Variants in IL20RB observed in about 807,000 individuals in gnomAD.
The protein encoded by IL20RB is interleukin-20 receptor subunit beta.
IL20RB carries 21 observed loss-of-function variants against 33.3 expected under a neutral mutation model. That is an observed-to-expected ratio of 0.63 (90% CI 0.45 to 0.91). IL20RB has a LOEUF of 0.91. Among genes scored for constraint, IL20RB ranks in the 40% least tolerant of loss-of-function variants. IL20RB has a pLI of 0.00. For missense variants in IL20RB, 345 were observed against 384.8 expected (o/e 0.90, Z 0.86); for synonymous variants, 147 against 146.8 (o/e 1.00, Z -0.01).
chr3:136,995,304 C>A, intron 5 of IL20RB, 110 bp from the exon 6 acceptor site: 1 of 1,242,662 alleles, frequency 8.0e-7, no homozygotes, highest in Non-Finnish European at 1.1e-6. Context: ...CTGTTATCTG[C>A]CGTCTTAGCC....
At chr3:136,984,395 T>C (rs183175467) in intron 3 of IL20RB, among the ~76,000 whole-genome samples, 29 of 151,542 alleles carry the variant, frequency 1.9e-4, no homozygotes, top group African/African-American at 5.3e-4. Context: ...GAGTGGAGGA[T>C]TGCATGGAGG....
At chr3:136,976,563 C>T (rs1215930616) in intron 1 of IL20RB, among the ~76,000 whole-genome samples, 1 of 152,188 alleles carries the variant, frequency 6.6e-6, no homozygotes, top group African/African-American at 2.4e-5. Flanking sequence ...CAACTTGTGC[C>T]TGTTTTCCTC....
intron 6 of IL20RB, among the ~76,000 whole-genome samples, chr3:137,003,591 G>T (rs1395921280): frequency 6.6e-6 from 1 of 152,176 alleles, no homozygotes; most frequent in Non-Finnish European, 1.5e-5. Flanking sequence ...GTATAGGAAT[G>T]CTTGTGAGTT....
intron 1 of IL20RB, among the ~76,000 whole-genome samples, chr3:136,972,728 C>G (rs758010244): frequency 1.6e-4 from 24 of 150,986 alleles, no homozygotes; most frequent in Non-Finnish European, 3.0e-4. Flanking sequence ...CTTTGTTAAT[C>G]TTTTTGAAGA....
chr3:136,978,965 G>A (rs1294009715), intron 1 of IL20RB, among the ~76,000 whole-genome samples: 2 of 152,062 alleles, frequency 1.3e-5, no homozygotes, highest in African/African-American at 4.8e-5. Flanking sequence ...AAATTGATTT[G>A]TTGACATAAT....
chr3:136,990,102 G>A (rs556457330), intron 4 of IL20RB, among the ~76,000 whole-genome samples: 1 of 152,108 alleles, frequency 6.6e-6, no homozygotes, highest in South Asian at 2.1e-4. Context: ...CTCCCCATGG[G>A]AAGGGTGCTA....
chr3:137,006,961 T>C (rs1942361905), intron 6 of IL20RB, among the ~76,000 whole-genome samples: 1 of 152,210 alleles, frequency 6.6e-6, no homozygotes, highest in Non-Finnish European at 1.5e-5. Flanking sequence ...TTGGTGTAGA[T>C]GACCTTTTTG....
chr3:136,989,533 G>T lies in IL20RB; in HGVS notation c.499G>T (p.Val167Leu), dbSNP rs1941989572. ...EDLGPQFEFL[V>L]AYWRREPGAE... is the part of the protein sequence containing the mutation. ...CCTGGGGCCCCAGTTTGAGTTCCTTGTGGCCTACTGGAGGAGGGAGCCTGG... is the reference window on the plus strand; with the variant it reads ...CCTGGGGCCCCAGTTTGAGTTCCTTTTGGCCTACTGGAGGAGGGAGCCTGG... The change falls in exon 4 of 7, where the codon GTG (valine) becomes TTG (leucine). Residue 167 changes from valine to leucine, a missense_variant. Val to Leu is a conservative substitution (Grantham distance 32, BLOSUM62 1). Coordinates refer to ENST00000329582, the MANE Select transcript of IL20RB (RefSeq NM_144717.4). 1 of 1,613,930 alleles carries T rather than the reference G, an allele frequency of 6.2e-7. No individual in the cohort carries two copies. Among genetic ancestry groups the T allele is most frequent in the African/African-American group, 1.3e-5 (1 of 74,908 alleles).
At position 136,995,416 on chromosome 3, in the gene IL20RB, G is replaced by C. The variant is rs750237297; in HGVS notation, c.685G>C (p.Glu229Gln). 6.2e-7 allele frequency: 1 copy of C among 1,613,968 alleles called. No homozygotes were observed. The change falls in exon 6 of 7, where the codon GAG becomes CAG. Residue 229 changes from glutamate to glutamine, a missense_variant and splice_region_variant. Transcript: ENST00000329582. ...CTGTTTTTATCTTTTGTTTCCAGGA[G>C]AGGCCATTCCCCTGGTACTGGCCCT... ...SQTECVEVQGEAIPLVLALFA... is the reference protein window; with the variant it reads ...SQTECVEVQGQAIPLVLALFA...
intron 1 of IL20RB, among the ~76,000 whole-genome samples, chr3:136,958,872 A>C (rs1405581127): frequency 3.3e-5 from 5 of 152,064 alleles, no homozygotes; most frequent in African/African-American, 1.2e-4. Context: ...ACTCCAAGAC[A>C]CTAGGCACTT....
chr3:136,961,909 G>A (rs535623885), intron 1 of IL20RB, among the ~76,000 whole-genome samples: 2 of 152,238 alleles, frequency 1.3e-5, no homozygotes, highest in South Asian at 4.1e-4. Context: ...GTGGGAACAA[G>A]TTAAAAGGGC....
rs188821702 is a variant in IL20RB at position 136,975,335 on chromosome 3, T to G, written c.89-5131T>G. Among the ~76,000 whole-genome samples, 324 of 152,228 alleles carry G rather than the reference T, an allele frequency of 2.1e-3. 6 individuals carry two copies. The highest frequency in any genetic ancestry group is 0.015 in the Admixed American group (234 of 15,278). On this transcript the variant is annotated intron_variant, in intron 1 of 6. Coordinates refer to ENST00000329582, the MANE Select transcript of IL20RB (RefSeq NM_144717.4). ...ACAGCATTTGGCATTTATTTATTTA[T>G]TTTTATTTTTATTTATTTTTTTGAA...
chr3:136,980,635 T>G (rs774169490), intron 2 of IL20RB, 43 bp downstream of exon 2: 14 of 1,612,386 alleles, frequency 8.7e-6, no homozygotes, highest in Non-Finnish European at 1.1e-5. Context: ...TAAGCAGAAG[T>G]TGGTTCCTGA....
At chr3:136,982,483 C>A (rs1941801682) in intron 3 of IL20RB, 133 bp downstream of exon 3, 2 of 585,870 alleles carry the variant, frequency 3.4e-6, no homozygotes, top group Non-Finnish European at 5.6e-6. Context: ...ACACAAACAA[C>A]CCTTACTGGT....
Position 136,980,327 on chromosome 3 carries a change from C to T in IL20RB, c.89-139C>T, listed in dbSNP as rs766369992. Reference sequence around the variant, plus strand: ...TTGAGACAGAGTCTCATTCTGTTGTCTAGGCTGGAGTGCAGTGGTGCAATC... The same window carrying T: ...TTGAGACAGAGTCTCATTCTGTTGTTTAGGCTGGAGTGCAGTGGTGCAATC... On this transcript the variant is annotated intron_variant, in intron 1 of 6. Transcript: ENST00000329582. 5.8e-6 allele frequency: 5 copies of T among 866,612 alleles called. No individual in the cohort carries two copies. In the African/African-American group the frequency reaches 6.8e-5, roughly 12 times the overall value. The allele number at this position is 866,612 out of a possible 1,614,324, so 53.7% of individuals were successfully genotyped here.
At chr3:136,989,874 C>T (rs558147211) in intron 4 of IL20RB, among the ~76,000 whole-genome samples, 6 of 152,216 alleles carry the variant, frequency 3.9e-5, no homozygotes, top group South Asian at 4.1e-4. Context: ...TTTTTTCTCC[C>T]TCATCAGCTC....
At chr3:136,981,613 G>A (rs75976) in intron 2 of IL20RB, among the ~76,000 whole-genome samples, 68,138 of 152,066 alleles carry the variant, frequency 0.45, 15,684 homozygotes, top group East Asian at 0.7. Context: ...GGGGCAGAGC[G>A]TTTGAGATGG....
At chr3:136,961,773 G>C (rs748991229) in intron 1 of IL20RB, among the ~76,000 whole-genome samples, 2 of 152,162 alleles carry the variant, frequency 1.3e-5, no homozygotes, top group African/African-American at 2.4e-5. Flanking sequence ...TAAGATGTTA[G>C]CATTCAGGGA....
chr3:136,978,892 C>T (rs1941699171), intron 1 of IL20RB, among the ~76,000 whole-genome samples: 1 of 152,074 alleles, frequency 6.6e-6, no homozygotes, highest in African/African-American at 2.4e-5. Context: ...TTAAAACCAT[C>T]TGTGCCTGGA....
Sources: gnomAD v4.1 joint callset for allele counts (sites outside exome capture counted in the v4.1 genomes callset) on GRCh38, gnomAD v4.1.1 for gene constraint, MANE v1.5 for transcripts, NCBI Gene and HGNC (gene_info 2026-07-23, HGNC 2026-07-21) for gene names.